The following PRKCB variants were observed in gnomAD, a reference collection of about 807,000 sequenced individuals.
PRKCB encodes the protein protein kinase C beta type.
PRKCB carries 13 observed loss-of-function variants against 81.5 expected under a neutral mutation model. The observed-to-expected ratio is 0.16, with a 90% CI of 0.10 to 0.25. PRKCB has a LOEUF of 0.25. Among genes scored for constraint, PRKCB ranks in the 10% least tolerant of loss-of-function variants. The probability of loss-of-function intolerance (pLI) is 1.00; values close to 1 mark genes in which losing one functional copy is unlikely to be tolerated. For synonymous variants in PRKCB, 335 were observed against 321.4 expected, an observed-to-expected ratio of 1.04 and a Z score of -0.45; for missense variants, 509 against 875.7, an observed-to-expected ratio of 0.58 and a Z score of 5.29.
chr16:24,216,580 C>T lies in PRKCB; in HGVS notation c.*1764C>T, dbSNP rs190250028. 9.5e-4 allele frequency: 938 copies of T among 985,436 alleles called. 8 individuals are homozygous for T. In the African/African-American group the frequency reaches 0.015, roughly 16 times the overall value. The allele number at this position is 985,436 out of a possible 1,614,324, so 61.0% of individuals were successfully genotyped here. A position where few individuals can be genotyped will look rare whatever the true frequency, so the allele number is the denominator to read the frequency against. ...TGACAAATGTCCTTGAAGTAAGATGCCTCATCTTTAGGGAAAAATGGGGTT... is the reference window on the plus strand; with the variant it reads ...TGACAAATGTCCTTGAAGTAAGATGTCTCATCTTTAGGGAAAAATGGGGTT... On this transcript the variant is annotated 3_prime_UTR_variant, in exon 17 of 17. Transcript: ENST00000643927.
chr16:23,888,883 A>G (rs559325054), intron 2 of PRKCB, among the ~76,000 whole-genome samples: 1 of 152,308 alleles, frequency 6.6e-6, no homozygotes, highest in Non-Finnish European at 1.5e-5. Flanking sequence ...AGACCCTATC[A>G]CAGCTTTTCC....
intron 16 of PRKCB, among the ~76,000 whole-genome samples, chr16:24,195,323 T>C (rs1030840871): frequency 1.3e-5 from 2 of 152,208 alleles, no homozygotes; most frequent in African/African-American, 4.8e-5. Context: ...ATATTTCTCC[T>C]TCCTCACCCC....
In PRKCB at chr16:23,923,960, A is replaced by G. The variant is rs769755143; in HGVS notation, c.206-64548A>G. Among the ~76,000 whole-genome samples the G allele has an allele frequency of 3.4e-4, 51 of 151,966 alleles. 2 individuals carry two copies. Among genetic ancestry groups the G allele is most frequent in the Non-Finnish European group, 4.9e-4 (33 of 67,960 alleles). ...TTGGTCCTTGAAGCGCTCCCTATAAACACTTGTCACTGCCAAGCGTGTATC... is the reference window on the plus strand; with the variant it reads ...TTGGTCCTTGAAGCGCTCCCTATAAGCACTTGTCACTGCCAAGCGTGTATC... On this transcript the variant is annotated intron_variant, in intron 2 of 16. Transcript: ENST00000643927.
intron 2 of PRKCB, among the ~76,000 whole-genome samples, chr16:23,941,586 T>C (rs1037756335): frequency 6.6e-6 from 1 of 152,180 alleles, no homozygotes; most frequent in Non-Finnish European, 1.5e-5. Context: ...ATTCTAGAAA[T>C]ACATTATGAT....
rs142450162 is a variant in PRKCB at position 23,852,015 on chromosome 16, T to C, written c.205+14609T>C. Among the ~76,000 whole-genome samples, 43 of 152,338 alleles carry C rather than the reference T, an allele frequency of 2.8e-4. No homozygotes were observed. In the East Asian group the frequency reaches 7.5e-3, roughly 27 times the overall value. ...TGTTGATCAGTTCTAACAGCTTTTT[T>C]AGTGGATTCTTTAGGGTTTTCTGTA... On this transcript the variant is annotated intron_variant, in intron 2 of 16. Coordinates refer to ENST00000643927, the MANE Select transcript of PRKCB (RefSeq NM_002738.7).
chr16:24,173,724 T>C (rs1413013151), intron 11 of PRKCB, among the ~76,000 whole-genome samples: 2 of 152,168 alleles, frequency 1.3e-5, no homozygotes, highest in African/African-American at 2.4e-5. Context: ...TCTTTCTTTC[T>C]GTGCTGACCT....
At chr16:24,176,085 C>A (rs1168475419) in intron 12 of PRKCB, among the ~76,000 whole-genome samples, 1 of 151,344 alleles carries the variant, frequency 6.6e-6, no homozygotes, top group Admixed American at 6.6e-5. Flanking sequence ...GAAGTGGGGA[C>A]CTTGTCAGAG....
intron 3 of PRKCB, among the ~76,000 whole-genome samples, chr16:24,023,819 T>G (rs998959208): frequency 3.9e-5 from 6 of 152,128 alleles, no homozygotes; most frequent in Non-Finnish European, 8.8e-5. Flanking sequence ...CTCTGCCAGC[T>G]CCTACCACAC....
chr16:24,215,321 T>C lies in PRKCB; in HGVS notation c.*505T>C, dbSNP rs1405469825. The C allele has an allele frequency of 2.0e-6, 2 of 986,240 alleles. No homozygotes were observed. The highest frequency in any genetic ancestry group is 2.4e-6 in the Non-Finnish European group (2 of 830,164). 61.1% of individuals were successfully genotyped at this position (986,240 alleles called of 1,614,324 possible). On this transcript the variant is annotated 3_prime_UTR_variant, in exon 17 of 17. Transcript: ENST00000643927. ...TGAAAAGAACATGCTCAAAATAAAA[T>C]GTTATCTGTTATTTTTGTAAACTCA...
At chr16:23,873,506 G>A (rs545158353) in intron 2 of PRKCB, among the ~76,000 whole-genome samples, 3 of 152,348 alleles carry the variant, frequency 2.0e-5, no homozygotes, top group African/African-American at 7.2e-5. Flanking sequence ...CTGCAGGTCT[G>A]ACTTTCTCCT....
At position 24,218,071 on chromosome 16, in the gene PRKCB, T is replaced by C; in HGVS notation, c.*3255T>C. The C allele has an allele frequency of 1.0e-6, 1 of 985,216 alleles. No individual in the cohort carries two copies. Among genetic ancestry groups the C allele is most frequent in the Non-Finnish European group, 1.2e-6 (1 of 829,734 alleles). The allele number at this position is 985,216 out of a possible 1,614,324, so 61.0% of individuals were successfully genotyped here. A position where few individuals can be genotyped will look rare whatever the true frequency, so the allele number is the denominator to read the frequency against. ...ACAACCTACTGTGTGCCAGGCACTA[T>C]TCTTAGCACTGGAAATACACTAGTG... On this transcript the variant is annotated 3_prime_UTR_variant, in exon 17 of 17. Coordinates refer to ENST00000643927, the MANE Select transcript of PRKCB (RefSeq NM_002738.7).
At chr16:23,994,906 T>C (rs1182442569) in intron 3 of PRKCB, among the ~76,000 whole-genome samples, 1 of 152,220 alleles carries the variant, frequency 6.6e-6, no homozygotes, top group Non-Finnish European at 1.5e-5. Context: ...ATCTTGATCA[T>C]TTTTTCCTTC....
In PRKCB at chr16:24,216,714, C is replaced by T; in HGVS notation, c.*1898C>T. On this transcript the variant is annotated 3_prime_UTR_variant, in exon 17 of 17. Transcript: ENST00000643927. ...TCCCCACTGTGGTGGCAATCAGGAC[C>T]TAAGGTGAAGCAAACTTGAAGTTCT... is the stretch of plus-strand genomic sequence containing the variant. 1.0e-6 allele frequency: 1 copy of T among 985,444 alleles called. No homozygotes were observed. The highest frequency in any genetic ancestry group is 1.2e-6 in the Non-Finnish European group (1 of 829,966). 61.0% of individuals were successfully genotyped at this position (985,444 alleles called of 1,614,324 possible).
intron 3 of PRKCB, among the ~76,000 whole-genome samples, chr16:24,026,941 G>A (rs987682153): frequency 5.9e-5 from 9 of 152,184 alleles, no homozygotes; most frequent in African/African-American, 2.2e-4. Context: ...GGTTAAGTAG[G>A]GGTGTAAGAG....
intron 5 of PRKCB, among the ~76,000 whole-genome samples, chr16:24,055,091 C>T (rs1965888400): frequency 6.6e-6 from 1 of 152,224 alleles, no homozygotes; most frequent in South Asian, 2.1e-4. Flanking sequence ...AAATGAGATG[C>T]AAATGAGGGG....
intron 2 of PRKCB, among the ~76,000 whole-genome samples, chr16:23,842,867 A>G (rs1450077016): frequency 1.3e-5 from 2 of 152,198 alleles, no homozygotes; most frequent in Non-Finnish European, 2.9e-5. Context: ...ACTTTTTTAT[A>G]TCACAAAAAA....
intron 3 of PRKCB, among the ~76,000 whole-genome samples, chr16:24,013,118 C>A (rs748872073): frequency 4.6e-5 from 7 of 152,210 alleles, no homozygotes; most frequent in Non-Finnish European, 8.8e-5. Context: ...CTCTAGACTG[C>A]AGCTCAAGCA....
intron 5 of PRKCB, among the ~76,000 whole-genome samples, chr16:24,080,899 T>G (rs921441080): frequency 2.0e-5 from 3 of 152,188 alleles, no homozygotes; most frequent in African/African-American, 7.2e-5. Context: ...GAAATAATAC[T>G]GATTCTCCTA....
In PRKCB at chr16:24,081,620, C is replaced by T. The variant is rs868666110; in HGVS notation, c.530-11171C>T. The stretch of plus-strand genomic sequence containing the variant: ...CGGCTCGGTGGCTCATGCCTGTAAT[C>T]CCAGCACTTTGGGAGCCTGAGGTGG... On this transcript the variant is annotated intron_variant, in intron 5 of 16. Transcript: ENST00000643927. Among the ~76,000 whole-genome samples the T allele has an allele frequency of 5.3e-5, 8 of 152,016 alleles. No individual in the cohort carries two copies. The South Asian group carries it at 1.0e-3, about 20-fold the overall frequency.
Sources: allele counts gnomAD v4.1 joint callset (sites outside exome capture counted in the v4.1 genomes callset), GRCh38; gene constraint gnomAD v4.1.1; transcripts MANE v1.5; gene names NCBI Gene and HGNC (gene_info 2026-07-23, HGNC 2026-07-21).